The following DCP2 variants were observed in gnomAD, a reference collection of about 807,000 sequenced individuals.
DCP2 encodes m7GpppN-mRNA hydrolase.
DCP2 carries 30 observed loss-of-function variants against 56.1 expected under a neutral mutation model. The observed-to-expected ratio is 0.53, with a 90% confidence interval of 0.40 to 0.73. The LOEUF is 0.73. DCP2 is among the 30% of genes least tolerant of loss of function. DCP2 has a pLI of 0.00. For missense variants in DCP2, 533 were observed against 502.7 expected (o/e 1.06, Z -0.58); for synonymous variants, 197 against 163.3 (o/e 1.21, Z -1.57).
At chr5:112,986,234 C>T (rs924975803) in intron 2 of DCP2, among the ~76,000 whole-genome samples, 3 of 152,090 alleles carry the variant, frequency 2.0e-5, no homozygotes, top group Non-Finnish European at 4.4e-5. Context: ...TTATTTTTTT[C>T]CCATGCATAG....
chr5:112,981,610 C>T lies in DCP2; in HGVS notation c.54-4225C>T, dbSNP rs150381466. On this transcript the variant is annotated intron_variant, in intron 1 of 10. Transcript: ENST00000389063. ...CTTCAGCGGCTAGTTTCTTTTCCAT[C>T]GGGGCATAGTCAGGAGCCCTTTGTA... 4.4e-3 allele frequency among the ~76,000 whole-genome samples: 669 copies of T among 152,256 alleles called. 6 individuals carry two copies. The highest frequency in any genetic ancestry group is 4.5e-3 in the Non-Finnish European group (304 of 68,014).
At chr5:113,002,731 C>A (rs1749237700) in intron 7 of DCP2, among the ~76,000 whole-genome samples, 1 of 152,000 alleles carries the variant, frequency 6.6e-6, no homozygotes, top group South Asian at 2.1e-4. Flanking sequence ...CTATGCTGCC[C>A]AGGCTGCTGT....
intron 2 of DCP2, among the ~76,000 whole-genome samples, chr5:112,989,166 C>T (rs1748453234): frequency 1.3e-5 from 2 of 152,188 alleles, no homozygotes; most frequent in Admixed American, 1.3e-4. Flanking sequence ...GATACAGAAG[C>T]ACAGTGTTCA....
At chr5:112,986,586 C>G (rs1244811148) in intron 2 of DCP2, among the ~76,000 whole-genome samples, 2 of 152,060 alleles carry the variant, frequency 1.3e-5, no homozygotes, top group Non-Finnish European at 2.9e-5. Flanking sequence ...GATCCTCCTA[C>G]CTTGGCCTCC....
chr5:112,997,404 C>T (rs188452476), intron 4 of DCP2, among the ~76,000 whole-genome samples: 80 of 152,220 alleles, frequency 5.3e-4, no homozygotes, highest in Middle Eastern at 3.4e-3. Flanking sequence ...TTTAATATAT[C>T]GTTCCTTATT....
chr5:112,985,278 T>G (rs1312174250), intron 1 of DCP2, among the ~76,000 whole-genome samples: 1 of 152,160 alleles, frequency 6.6e-6, no homozygotes, highest in Non-Finnish European at 1.5e-5. Flanking sequence ...AAGAAATATG[T>G]CTTTCCTTTC....
At chr5:113,001,275 C>G (rs1360578377) in intron 5 of DCP2, 39 bp downstream of exon 5, 1 of 1,601,188 alleles carries the variant, frequency 6.2e-7, no homozygotes, top group East Asian at 2.2e-5. Flanking sequence ...TGGACAGTAT[C>G]CCAAATGAAT....
intron 10 of DCP2, among the ~76,000 whole-genome samples, chr5:113,011,713 AC>A (rs1749687139): frequency 1.3e-5 from 2 of 152,198 alleles, no homozygotes; most frequent in Admixed American, 6.5e-5. Context: ...TTAGTTTGAT[AC>A]AGTCCCACTT....
intron 4 of DCP2, among the ~76,000 whole-genome samples, chr5:112,997,172 GC>G (rs1377316396): frequency 6.6e-6 from 1 of 152,226 alleles, no homozygotes; most frequent in Non-Finnish European, 1.5e-5. Flanking sequence ...TGGAATGTTA[GC>G]ATGAGTAATT....
intron 4 of DCP2, among the ~76,000 whole-genome samples, chr5:112,996,712 C>CT (rs972632745): frequency 6.6e-6 from 1 of 151,758 alleles, no homozygotes; most frequent in African/African-American, 2.4e-5. Flanking sequence ...TTTAGCAGAC[C>CT]TTTTTTTTGG....
intron 1 of DCP2, chr5:112,984,703 A>AATATATATATATATATATATATATATAT (rs57159758): frequency 4.8e-4 from 31 of 64,844 alleles, no homozygotes; most frequent in African/African-American, 5.5e-4. Context: ...AAAAAAAAAA[A>AATATATATATATATATATATATATATAT]ATATATATAT....
Position 112,985,913 on chromosome 5 carries a change from G to A in DCP2, c.132G>A (p.Trp44Ter). The change falls in exon 2 of 11, where the codon TGG (tryptophan) becomes TGA (stop). Residue 44 changes from tryptophan to a stop codon, truncating the protein, a stop_gained. Coordinates refer to ENST00000389063, the MANE Select transcript of DCP2 (RefSeq NM_152624.6). LOFTEE classifies it high-confidence loss of function. ...GTTTTCAGATTGAACTTGCCCATTGGTTTTACTTGGATTTCTACATGCAGA... is the reference window on the plus strand; with the variant it reads ...GTTTTCAGATTGAACTTGCCCATTGATTTTACTTGGATTTCTACATGCAGA... ...RVCFQIELAH[W>*]FYLDFYMQNT... is the part of the protein sequence containing the mutation. 6.2e-7 allele frequency: 1 copy of A among 1,610,210 alleles called. No individual in the cohort carries two copies. The highest frequency in any genetic ancestry group is 8.5e-7 in the Non-Finnish European group (1 of 1,176,906).
chr5:112,979,719 C>A (rs1464720879), intron 1 of DCP2, among the ~76,000 whole-genome samples: 2 of 152,156 alleles, frequency 1.3e-5, no homozygotes, highest in African/African-American at 4.8e-5. Flanking sequence ...AAGGCTGATG[C>A]TTTAGTATGT....
chr5:113,000,934 A>G, intron 4 of DCP2, 150 bp from the exon 5 acceptor site: 2 of 794,230 alleles, frequency 2.5e-6, no homozygotes, highest in East Asian at 2.7e-5. Flanking sequence ...TTTACATCTC[A>G]TATGCATTTC....
At chr5:112,980,695 C>T (rs1043249998) in intron 1 of DCP2, among the ~76,000 whole-genome samples, 5 of 152,134 alleles carry the variant, frequency 3.3e-5, no homozygotes, top group Admixed American at 2.6e-4. Context: ...AATATGTAAT[C>T]ATGTACATGG....
At chr5:112,987,974 C>T (rs951943735) in intron 2 of DCP2, among the ~76,000 whole-genome samples, 1 of 152,102 alleles carries the variant, frequency 6.6e-6, no homozygotes, top group Non-Finnish European at 1.5e-5. Flanking sequence ...TTTGTACCCA[C>T]AAGTTCGTGT....
intron 4 of DCP2, among the ~76,000 whole-genome samples, chr5:112,999,912 T>C (rs1467032555): frequency 6.6e-6 from 1 of 151,458 alleles, no homozygotes; most frequent in East Asian, 2.0e-4. Context: ...AATACAAAAA[T>C]TAGCTGGGCA....
intron 4 of DCP2, among the ~76,000 whole-genome samples, chr5:113,000,737 A>C (rs1302246248): frequency 6.6e-6 from 1 of 152,168 alleles, no homozygotes; most frequent in Non-Finnish European, 1.5e-5. Context: ...TCTGTATATA[A>C]ATGTTAAGAT....
In DCP2 at chr5:112,976,916, C is replaced by T. The variant is rs755399977; in HGVS notation, c.-18C>T. On this transcript the variant is annotated 5_prime_UTR_variant, in exon 1 of 11. Coordinates refer to ENST00000389063, the MANE Select transcript of DCP2 (RefSeq NM_152624.6). ...CGCGCGGAGCCGGGATGCACTGTTC[C>T]TGCTGTGGGTCCTCATCATGGAGAC... 7.4e-6 allele frequency: 12 copies of T among 1,613,574 alleles called. No individual in the cohort carries two copies. Among genetic ancestry groups the T allele is most frequent in the Admixed American group, 5.0e-5 (3 of 59,982 alleles).
Sources: gnomAD v4.1 joint callset for allele counts (sites outside exome capture counted in the v4.1 genomes callset) on GRCh38, gnomAD v4.1.1 for gene constraint, MANE v1.5 for transcripts, NCBI Gene and HGNC (gene_info 2026-07-23, HGNC 2026-07-21) for gene names.